Variants in ZNF25 observed in about 807,000 individuals in gnomAD.
ZNF25 encodes the protein zinc finger protein 25 (KOX 19).
A neutral mutation model predicts 30.9 loss-of-function variants in ZNF25; 21 were observed. The observed-to-expected ratio is 0.68, with a 90% confidence interval of 0.48 to 0.98. The LOEUF (loss-of-function observed/expected upper bound fraction) is 0.98. Ranked by LOEUF, ZNF25 falls within the 50% of genes least tolerant of loss-of-function variation. The pLI is 0.00. For synonymous variants in ZNF25, 169 were observed against 181.3 expected, an observed-to-expected ratio of 0.93 and a Z score of 0.55; for missense variants, 501 against 529.9, an observed-to-expected ratio of 0.95 and a Z score of 0.54.
rs1300182160 is a variant in ZNF25, at chr10:37,952,224, G to T, written c.1274C>A (p.Pro425His). 1.2e-6 allele frequency: 2 copies of T among 1,613,860 alleles called. No homozygotes were observed. The highest frequency in any genetic ancestry group is 1.3e-5 in the African/African-American group (1 of 74,894). Reference protein sequence around the residue: ...IHQRKHTGEKPYECQECGETF... With the variant: ...IHQRKHTGEKHYECQECGETF... Reference sequence around the variant, plus strand: ...TTCCCCACACTCCTGACACTCATAGGGCTTCTCCCCTGTGTGTTTTCTCTG... The same window carrying T: ...TTCCCCACACTCCTGACACTCATAGTGCTTCTCCCCTGTGTGTTTTCTCTG... Residue 425 changes from proline to histidine, a missense_variant, in exon 6 of 6, where the codon CCC becomes CAC. Physicochemically the swap from Pro to His is moderately conservative, Grantham distance 77. Transcript: ENST00000302609.
intron 2 of ZNF25, among the ~76,000 whole-genome samples, chr10:37,968,276 T>C (rs972012917): frequency 3.9e-5 from 6 of 152,172 alleles, no homozygotes; most frequent in African/African-American, 1.4e-4. Context: ...CAGGCCTGTC[T>C]CAAACTCCTG....
At chr10:37,975,023 TATC>T (rs1315120679) in intron 1 of ZNF25, among the ~76,000 whole-genome samples, 4 of 152,074 alleles carry the variant, frequency 2.6e-5, no homozygotes, top group South Asian at 2.1e-4. Flanking sequence ...GAAAGACAAA[TATC>T]ATGTTCTCAC....
At chr10:37,971,913 A>G (rs1337686136) in intron 1 of ZNF25, 106 bp from the exon 2 acceptor site, 11 of 669,072 alleles carry the variant, frequency 1.6e-5, no homozygotes, top group Admixed American at 2.7e-5. Context: ...AGTAGCACCC[A>G]CCTGTCCACT....
intron 2 of ZNF25, among the ~76,000 whole-genome samples, chr10:37,968,175 A>T (rs1029009703): frequency 6.6e-6 from 1 of 152,068 alleles, no homozygotes; most frequent in Non-Finnish European, 1.5e-5. Context: ...CTCCTGCCTC[A>T]GCCTCCCAAG....
At chr10:37,953,878 T>C (rs945727784) in intron 4 of ZNF25, 120 bp from the exon 5 acceptor site, 9 of 901,810 alleles carry the variant, frequency 1.0e-5, no homozygotes, top group Non-Finnish European at 1.5e-5. Flanking sequence ...GCAAATTTCC[T>C]CTAGCCCATT....
chr10:37,971,641 AC>A, intron 2 of ZNF25, 66 bp downstream of exon 2: 1 of 1,468,056 alleles, frequency 6.8e-7, no homozygotes, highest in Non-Finnish European at 9.2e-7. Flanking sequence ...ACACACACAC[AC>A]ACACACACAC....
rs1384361677 is a variant in ZNF25, at chr10:37,952,653, CCT to C, written c.843_844del (p.Lys284ThrfsTer3). 35 of 1,613,464 alleles carry C rather than the reference CCT, an allele frequency of 2.2e-5. No homozygotes were observed. Among genetic ancestry groups the C allele is most frequent in the South Asian group, 5.5e-5 (5 of 91,052 alleles). On this transcript the variant is annotated frameshift_variant, in exon 6 of 6. Transcript: ENST00000302609. LOFTEE classifies it high-confidence loss of function. The stretch of plus-strand genomic sequence containing the variant: ...TTCCTTACATTTATAGGGTTTCTCC[CCT>C]GTGTGCATTCTCTGATGTACTGTGA...
In ZNF25 at chr10:37,952,058, G is replaced by A. The variant is rs745948323; in HGVS notation, c.*69C>T. 39 of 1,437,520 alleles carry A rather than the reference G, an allele frequency of 2.7e-5. No homozygotes were observed. The highest frequency in any genetic ancestry group is 3.5e-5 in the Non-Finnish European group (37 of 1,065,502). 89.0% of individuals were successfully genotyped at this position (1,437,520 alleles called of 1,614,324 possible). A position where few individuals can be genotyped will look rare whatever the true frequency, so the allele number is the denominator to read the frequency against. On this transcript the variant is annotated 3_prime_UTR_variant, in exon 6 of 6. Coordinates refer to ENST00000302609, the MANE Select transcript of ZNF25 (RefSeq NM_145011.4). ...CCTCTATTGATGCGATTCATAAGGT[G>A]TACCTCTTGTGTGAATTATCTGATT...
At chr10:37,959,919 GT>G (rs2062757261) in intron 2 of ZNF25, among the ~76,000 whole-genome samples, 1 of 148,452 alleles carries the variant, frequency 6.7e-6, no homozygotes, top group South Asian at 2.2e-4. Flanking sequence ...CGGTTTTTTT[GT>G]TGTTGTTGTT....
chr10:37,967,441 A>G (rs1255172424), intron 2 of ZNF25, among the ~76,000 whole-genome samples: 1 of 149,670 alleles, frequency 6.7e-6, no homozygotes, highest in African/African-American at 2.5e-5. Context: ...TTTTTCTGAG[A>G]CAGGGTCTCA....
intron 2 of ZNF25, among the ~76,000 whole-genome samples, chr10:37,958,508 A>G (rs1779061): frequency 0.06 from 9,116 of 152,326 alleles, 350 homozygotes; most frequent in Middle Eastern, 0.095. Flanking sequence ...AAGGGACAGG[A>G]CAAGAAGAAA....
intron 4 of ZNF25, 80 bp downstream of exon 4, chr10:37,956,940 A>C: frequency 1.2e-6 from 1 of 804,170 alleles, no homozygotes; most frequent in Non-Finnish European, 2.0e-6. Flanking sequence ...AAAAAGTGAG[A>C]GATTGCCGAA....
chr10:37,954,047 C>A (rs2135292561), intron 4 of ZNF25, among the ~76,000 whole-genome samples: 1 of 152,214 alleles, frequency 6.6e-6, no homozygotes, highest in Middle Eastern at 3.4e-3. Context: ...GAGAGGAGAA[C>A]ATAGGACATT....
chr10:37,974,667 T>C (rs972362950), intron 1 of ZNF25, among the ~76,000 whole-genome samples: 2 of 152,208 alleles, frequency 1.3e-5, no homozygotes, highest in Non-Finnish European at 2.9e-5. Context: ...TTGGTGGCAA[T>C]GTAAACTAGT....
rs753840132 is a variant in ZNF25, at chr10:37,952,031, TC to T, written c.*95del. 6 of 1,156,538 alleles carry T rather than the reference TC, an allele frequency of 5.2e-6. No individual in the cohort carries two copies. The highest frequency in any genetic ancestry group is 7.2e-6 in the Non-Finnish European group (6 of 828,804). The allele number at this position is 1,156,538 out of a possible 1,614,324, so 71.6% of individuals were successfully genotyped here. A position where few individuals can be genotyped will look rare whatever the true frequency, so the allele number is the denominator to read the frequency against. ...AGAGCAAAGATTGTAGCTGAAAATT[TC>T]CCTCTATTGATGCGATTCATAAGGT... On this transcript the variant is annotated 3_prime_UTR_variant, in exon 6 of 6. Transcript: ENST00000302609.
intron 2 of ZNF25, among the ~76,000 whole-genome samples, chr10:37,960,006 C>T (rs1044572725): frequency 2.0e-5 from 3 of 151,934 alleles, no homozygotes; most frequent in Admixed American, 2.0e-4. Context: ...GCTCTGCCTC[C>T]CGGGTTCACA....
At position 37,952,560 on chromosome 10, in the gene ZNF25, G is replaced by A. The variant is rs1346902641; in HGVS notation, c.938C>T (p.Pro313Leu). ...TTTCCTACATTCCTTACATTCATAG[G>A]GTTTCTCTCCTGTGTGACTTCTCTG... ...THQRSHTGEK[P>L]YECKECRKCF... The change falls in exon 6 of 6, where the codon CCC (proline) becomes CTC (leucine). Residue 313 changes from proline (P) to leucine (L), a missense_variant. Transcript: ENST00000302609. 2 of 1,613,756 alleles carry A rather than the reference G, an allele frequency of 1.2e-6. No individual in the cohort carries two copies. Among genetic ancestry groups the A allele is most frequent in the South Asian group, 2.2e-5 (2 of 91,064 alleles).
chr10:37,956,944 T>G (rs1371923037), intron 4 of ZNF25, 76 bp downstream of exon 4: 3 of 1,033,040 alleles, frequency 2.9e-6, no homozygotes, highest in Non-Finnish European at 4.3e-6. Flanking sequence ...AGTGAGAGAT[T>G]GCCGAAAAGT....
At chr10:37,968,605 C>T (rs1369857705) in intron 2 of ZNF25, among the ~76,000 whole-genome samples, 4 of 151,788 alleles carry the variant, frequency 2.6e-5, no homozygotes, top group African/African-American at 7.3e-5. Context: ...TCCACCCACC[C>T]TGGCCTCCCA....
Sources: allele counts gnomAD v4.1 joint callset (sites outside exome capture counted in the v4.1 genomes callset), GRCh38; gene constraint gnomAD v4.1.1; transcripts MANE v1.5; gene names NCBI Gene and HGNC (gene_info 2026-07-23, HGNC 2026-07-21).